The following CLASRP variants were observed in gnomAD, a reference collection of about 807,000 sequenced individuals.
CLASRP encodes CLK4-associating serine/arginine rich protein.
A neutral mutation model predicts 99.9 loss-of-function variants in CLASRP; 52 were observed. That is an observed-to-expected ratio of 0.52 (90% CI 0.42 to 0.66). CLASRP has a LOEUF of 0.66. Among genes scored for constraint, CLASRP ranks in the 30% least tolerant of loss-of-function variants. The probability of loss-of-function intolerance (pLI) is 0.00; values close to 1 mark genes in which losing one functional copy is unlikely to be tolerated. For missense variants in CLASRP, 848 were observed against 999.2 expected (o/e 0.85, Z 2.04); for synonymous variants, 379 against 373.0 (o/e 1.02, Z -0.18).
At position 45,067,541 on chromosome 19, in the gene CLASRP, A is replaced by G. The variant is rs1307734055; in HGVS notation, c.1614A>G (p.Arg538=). 6.2e-7 allele frequency: 1 copy of G among 1,605,208 alleles called. No individual in the cohort carries two copies. The highest frequency in any genetic ancestry group is 8.5e-7 in the Non-Finnish European group (1 of 1,178,810). Residue 538 remains arginine, a synonymous_variant, in exon 14 of 21, where the codon AGA becomes AGG. Coordinates refer to ENST00000221455, the MANE Select transcript of CLASRP (RefSeq NM_007056.3). This position sits in a 1 kb window ranked among gnomAD's most constrained non-coding sequence, Gnocchi z 4.9. ...RSQSPSPSPA[R]EKLTRPAASP... ...AGAGCCCCTCGCCATCACCCGCAAG[A>G]GAGAAGCTGACCAGGCCGGCCGCGT...
At position 45,052,272 on chromosome 19, in the gene CLASRP, T is replaced by C. The variant is rs1026406849; in HGVS notation, c.197+104T>C. 1.2e-5 allele frequency: 11 copies of C among 921,712 alleles called. No individual in the cohort carries two copies. The East Asian group carries it at 1.7e-4, about 15-fold the overall frequency. 57.1% of individuals were successfully genotyped at this position (921,712 alleles called of 1,614,324 possible). On this transcript the variant is annotated intron_variant, in intron 3 of 20. Transcript: ENST00000221455. ...CAGAGACTGAAGTATGGACAGACCTTTGGGGACTCAGAGGCAGGGAAGGTG... is the reference window on the plus strand; with the variant it reads ...CAGAGACTGAAGTATGGACAGACCTCTGGGGACTCAGAGGCAGGGAAGGTG...
At position 45,064,132 on chromosome 19, in the gene CLASRP, C is replaced by A; in HGVS notation, c.1026C>A (p.Ala342=). ...FGGSDEEAAA[A]AAAAAASGVT... is the part of the protein sequence containing the mutation. The stretch of plus-strand genomic sequence containing the variant: ...GCAGCGATGAGGAGGCAGCCGCAGC[C>A]GCTGCTGCCGCAGCAGCATCAGGAG... The change falls in exon 12 of 21, where the codon GCC becomes GCA. Residue 342 remains alanine, a synonymous_variant. Coordinates refer to ENST00000221455, the MANE Select transcript of CLASRP (RefSeq NM_007056.3). The A allele has an allele frequency of 1.2e-6, 2 of 1,609,982 alleles. No individual in the cohort carries two copies. Among genetic ancestry groups the A allele is most frequent in the Non-Finnish European group, 1.7e-6 (2 of 1,178,874 alleles).
At chr19:45,039,346 GC>G (rs995429833) in intron 1 of CLASRP, among the ~76,000 whole-genome samples, 3 of 145,214 alleles carry the variant, frequency 2.1e-5, no homozygotes, top group African/African-American at 7.7e-5. Flanking sequence ...CACAGGCCCC[GC>G]CCCCTTGTCA....
At chr19:45,057,699 G>T in intron 6 of CLASRP, 51 bp from the exon 7 acceptor site, 2 of 1,606,340 alleles carry the variant, frequency 1.2e-6, no homozygotes, top group East Asian at 4.5e-5. Flanking sequence ...CTAGCCTGGG[G>T]CCCTCATCTC....
At chr19:45,042,908 C>T (rs1369114367) in intron 2 of CLASRP, among the ~76,000 whole-genome samples, 2 of 152,166 alleles carry the variant, frequency 1.3e-5, no homozygotes, top group East Asian at 1.9e-4. Context: ...TGAGCCACCA[C>T]GCCCGGCTAG....
At chr19:45,057,166 C>T (rs1224505675) in intron 6 of CLASRP, among the ~76,000 whole-genome samples, 1 of 152,192 alleles carries the variant, frequency 6.6e-6, no homozygotes, top group Non-Finnish European at 1.5e-5. Context: ...GCTTAGCTCT[C>T]CTCCAGGCCA....
At chr19:45,070,642 C>A in intron 20 of CLASRP, 81 bp downstream of exon 20, 2 of 1,419,902 alleles carry the variant, frequency 1.4e-6, no homozygotes, top group Non-Finnish European at 1.0e-6. Context: ...ATTCCTCCAG[C>A]CTCACCCTGT....
In CLASRP at chr19:45,052,163, T is replaced by A. The variant is rs774408352; in HGVS notation, c.192T>A (p.Val64=). Residue 64 remains valine (V), a synonymous_variant, in exon 3 of 21, where the codon GTT becomes GTA. Transcript: ENST00000221455. The part of the protein sequence containing the change: ...SAVALAAESP[V]NMMPWQGDTN... ...TCGCCCTGGCCGCTGAGAGCCCTGT[T>A]AATATGTAAGACTGATATGGAAGGC... 1 of 1,613,710 alleles carries A rather than the reference T, an allele frequency of 6.2e-7. No homozygotes were observed. Among genetic ancestry groups the A allele is most frequent in the South Asian group, 1.1e-5 (1 of 91,078 alleles).
At chr19:45,069,613 A>G (rs1967186111) in intron 18 of CLASRP, 1 of 473,726 alleles carries the variant, frequency 2.1e-6, no homozygotes, top group African/African-American at 1.9e-5. Context: ...AAATGGAGAT[A>G]CAGTCACTGT....
chr19:45,044,519 C>A (rs1322842189), intron 2 of CLASRP, among the ~76,000 whole-genome samples: 2 of 152,202 alleles, frequency 1.3e-5, no homozygotes, highest in East Asian at 3.8e-4. Context: ...TGACCCTTAA[C>A]CTCTCTAAGC....
At position 45,069,189 on chromosome 19, in the gene CLASRP, C is replaced by T. The variant is rs764247766; in HGVS notation, c.1828-13C>T. The T allele has an allele frequency of 4.3e-6, 7 of 1,613,962 alleles. No individual in the cohort carries two copies. In the South Asian group the frequency reaches 7.7e-5, roughly 18 times the overall value. On this transcript the variant is annotated splice_polypyrimidine_tract_variant and intron_variant, in intron 17 of 20. Coordinates refer to ENST00000221455, the MANE Select transcript of CLASRP (RefSeq NM_007056.3). The stretch of plus-strand genomic sequence containing the variant: ...CTGGCCTGGCCACGTCCTCATAGCC[C>T]TGTCTGCTGCAGGAGCGGGAAGACG...
intron 3 of CLASRP, 42 bp downstream of exon 3, chr19:45,052,210 G>A: frequency 1.3e-6 from 2 of 1,549,172 alleles, no homozygotes; most frequent in Non-Finnish European, 1.8e-6. Flanking sequence ...TGAAGTCTGG[G>A]AGTCAAAACG....
chr19:45,064,763 G>A (rs1967044415), intron 13 of CLASRP, 133 bp downstream of exon 13: 2 of 1,416,540 alleles, frequency 1.4e-6, no homozygotes, highest in Admixed American at 2.8e-5. Context: ...ACAGGCACAG[G>A]CCACTGCTCT....
At position 45,062,130 on chromosome 19, in the gene CLASRP, C is replaced by T. The variant is rs757259410; in HGVS notation, c.864-24C>T. The T allele has an allele frequency of 3.5e-6, 5 of 1,412,960 alleles. No homozygotes were observed. The South Asian group carries it at 5.7e-5, about 16-fold the overall frequency. 87.5% of individuals were successfully genotyped at this position (1,412,960 alleles called of 1,614,324 possible). On this transcript the variant is annotated intron_variant, in intron 10 of 20. Coordinates refer to ENST00000221455, the MANE Select transcript of CLASRP (RefSeq NM_007056.3). ...GCTGAGATCTTAAGCCCTAATTTGT[C>T]CCACCCCATTCTTTTCTCTGTAGCT...
chr19:45,043,012 GC>G (rs1307835404), intron 2 of CLASRP, among the ~76,000 whole-genome samples: 2 of 152,042 alleles, frequency 1.3e-5, no homozygotes, highest in African/African-American at 2.4e-5. Flanking sequence ...TTTGTTTCAT[GC>G]ACAAAATTAT....
Position 45,070,945 on chromosome 19 carries a change from T to C in CLASRP, c.*100T>C. The stretch of plus-strand genomic sequence containing the variant: ...TAGTGAAATAAAGTCAAAAGTTATT[T>C]AATTCCCGTCACCTGTCTCAGTGTC... On this transcript the variant is annotated 3_prime_UTR_variant, in exon 21 of 21. Coordinates refer to ENST00000221455, the MANE Select transcript of CLASRP (RefSeq NM_007056.3). 1.3e-6 allele frequency: 1 copy of C among 769,318 alleles called. No homozygotes were observed. The highest frequency in any genetic ancestry group is 2.1e-6 in the Non-Finnish European group (1 of 471,446). 47.7% of individuals were successfully genotyped at this position (769,318 alleles called of 1,614,324 possible).
Position 45,044,114 on chromosome 19 carries a change from G to T in CLASRP, c.99+3803G>T, listed in dbSNP as rs932282606. On this transcript the variant is annotated intron_variant, in intron 2 of 20. Coordinates refer to ENST00000221455, the MANE Select transcript of CLASRP (RefSeq NM_007056.3). ...CCAGGCTGGTCTCAAACTCCTGACTGCAAGTGATCCGCCTGCCTTGGCTTC... is the reference window on the plus strand; with the variant it reads ...CCAGGCTGGTCTCAAACTCCTGACTTCAAGTGATCCGCCTGCCTTGGCTTC... 1.6e-4 allele frequency among the ~76,000 whole-genome samples: 25 copies of T among 152,282 alleles called. 1 individual carries two copies. The Middle Eastern group carries it at 0.01, about 62-fold the overall frequency.
At chr19:45,051,368 C>T (rs1025956560) in intron 2 of CLASRP, among the ~76,000 whole-genome samples, 4 of 151,868 alleles carry the variant, frequency 2.6e-5, no homozygotes, top group African/African-American at 7.3e-5. Flanking sequence ...GGCTAGAGTG[C>T]GGTGACACAA....
intron 1 of CLASRP, chr19:45,039,570 T>G (rs1971773332): frequency 6.5e-6 from 1 of 152,824 alleles, no homozygotes; most frequent in Non-Finnish European, 1.5e-5. Flanking sequence ...ATCCCATCTT[T>G]AGACCTCAGC....
Sources: allele counts gnomAD v4.1 joint callset (sites outside exome capture counted in the v4.1 genomes callset), GRCh38; gene constraint gnomAD v4.1.1; non-coding constraint Gnocchi (gnomAD v3.1); transcripts MANE v1.5; gene names NCBI Gene and HGNC (gene_info 2026-07-23, HGNC 2026-07-21).